The following DNAH8 variants were observed in gnomAD, a reference collection of about 807,000 sequenced individuals.
The protein encoded by DNAH8 is dynein axonemal heavy chain 8.
Under a neutral mutation model 562.1 loss-of-function variants are expected in DNAH8, and 382 were observed. The ratio of observed to expected loss-of-function variants is 0.68; its 90% confidence interval spans 0.63 to 0.74. The LOEUF (loss-of-function observed/expected upper bound fraction) is 0.74, where lower values mean the gene tolerates loss of function less well. Among genes scored for constraint, DNAH8 ranks in the 30% least tolerant of loss-of-function variants. DNAH8 has a pLI of 0.00. For synonymous variants in DNAH8, 1,881 were observed against 1,919.4 expected, an observed-to-expected ratio of 0.98 and a Z score of 0.52; for missense variants, 5,203 against 5,620.4, an observed-to-expected ratio of 0.93 and a Z score of 2.37.
At chr6:38,730,076 T>C (rs1763545444) in intron 4 of DNAH8, 90 bp downstream of exon 4, 1 of 627,722 alleles carries the variant, frequency 1.6e-6, no homozygotes, top group Non-Finnish European at 2.8e-6. Context: ...GATAATCCTT[T>C]ATTTATAAAG....
chr6:38,886,534 T>C lies in DNAH8; in HGVS notation c.8260-257T>C, dbSNP rs149226036. On this transcript the variant is annotated intron_variant, in intron 56 of 92. Transcript: ENST00000327475. ...AACCAAATATCTTATAACTCACATATCTAAATTTATTTGGAAATTAGTTTG... is the reference window on the plus strand; with the variant it reads ...AACCAAATATCTTATAACTCACATACCTAAATTTATTTGGAAATTAGTTTG... Among the ~76,000 whole-genome samples, 837 of 152,308 alleles carry C rather than the reference T, an allele frequency of 5.5e-3. 7 individuals are homozygous for C. Among genetic ancestry groups the C allele is most frequent in the Non-Finnish European group, 5.8e-3 (395 of 68,020 alleles).
intron 33 of DNAH8, among the ~76,000 whole-genome samples, chr6:38,840,771 A>G (rs543336823): frequency 5.3e-5 from 8 of 152,330 alleles, no homozygotes; most frequent in African/African-American, 1.9e-4. Flanking sequence ...TATTAAATGA[A>G]AGCAACTGTA....
At chr6:38,875,210 G>T (rs1282844303) in intron 52 of DNAH8, among the ~76,000 whole-genome samples, 1 of 152,180 alleles carries the variant, frequency 6.6e-6, no homozygotes, top group African/African-American at 2.4e-5. Context: ...ATTTTACAAA[G>T]AAATAGAATC....
chr6:38,918,813 C>T (rs970594481), intron 70 of DNAH8, among the ~76,000 whole-genome samples: 9 of 152,216 alleles, frequency 5.9e-5, no homozygotes, highest in African/African-American at 2.2e-4. Flanking sequence ...TCCAGGGCCC[C>T]ATCCCAATCT....
At chr6:38,924,571 T>A (rs1222131975) in intron 73 of DNAH8, among the ~76,000 whole-genome samples, 1 of 151,856 alleles carries the variant, frequency 6.6e-6, no homozygotes, top group Non-Finnish European at 1.5e-5. Flanking sequence ...GTTTTGAAAG[T>A]GCTTAAGAGT....
chr6:38,839,934 T>G (rs1355858409), intron 33 of DNAH8, among the ~76,000 whole-genome samples: 3 of 152,218 alleles, frequency 2.0e-5, no homozygotes, highest in Non-Finnish European at 4.4e-5. Context: ...AGTGCTGGGA[T>G]TACAGGTGTG....
At chr6:38,877,155 T>G (rs1021235486) in intron 53 of DNAH8, among the ~76,000 whole-genome samples, 1 of 152,178 alleles carries the variant, frequency 6.6e-6, no homozygotes, top group South Asian at 2.1e-4. Flanking sequence ...GAGTGCCTTG[T>G]CCTTATTCAG....
chr6:38,933,471 T>C (rs1583395165), intron 76 of DNAH8, among the ~76,000 whole-genome samples: 1 of 152,190 alleles, frequency 6.6e-6, no homozygotes, highest in South Asian at 2.1e-4. Context: ...TAACAGCACA[T>C]GGACTTTGCA....
intron 63 of DNAH8, among the ~76,000 whole-genome samples, chr6:38,907,232 G>A (rs1443393631): frequency 6.6e-6 from 1 of 152,172 alleles, no homozygotes; most frequent in Non-Finnish European, 1.5e-5. Flanking sequence ...TTTGCCAAGG[G>A]GCCATGCAGA....
At chr6:38,917,804 T>C (rs2150547215) in intron 69 of DNAH8, 121 bp from the exon 70 acceptor site, 1 of 720,252 alleles carries the variant, frequency 1.4e-6, no homozygotes, top group Non-Finnish European at 2.2e-6. Flanking sequence ...ATAGTCTCAA[T>C]TTGTGTATTT....
intron 88 of DNAH8, among the ~76,000 whole-genome samples, chr6:39,006,125 A>G (rs1765784265): frequency 6.6e-6 from 1 of 152,250 alleles, no homozygotes; most frequent in Admixed American, 6.5e-5. Context: ...ATCCTCTCCT[A>G]CATCCTATGG....
chr6:38,942,538 T>C lies in DNAH8; in HGVS notation c.12008-2929T>C, dbSNP rs570820990. ...ATTCTGCCCAGTGTCACACCCACCATGGAAGCAGGGGAATGGCTGGATGGG... is the reference window on the plus strand; with the variant it reads ...ATTCTGCCCAGTGTCACACCCACCACGGAAGCAGGGGAATGGCTGGATGGG... On this transcript the variant is annotated intron_variant, in intron 79 of 92. Transcript: ENST00000327475. 1.4e-4 allele frequency among the ~76,000 whole-genome samples: 21 copies of C among 152,228 alleles called. No individual in the cohort carries two copies. In the South Asian group the frequency reaches 4.4e-3, roughly 32 times the overall value.
intron 29 of DNAH8, 89 bp from the exon 30 acceptor site, chr6:38,828,095 G>A: frequency 1.2e-6 from 1 of 819,920 alleles, no homozygotes; most frequent in South Asian, 1.7e-5. Flanking sequence ...CTTCTTCTAA[G>A]ACATAGGAAT....
At chr6:38,872,409 CTT>C (rs1485121619) in intron 49 of DNAH8, 125 bp from the exon 50 acceptor site, 53 of 1,055,768 alleles carry the variant, frequency 5.0e-5, no homozygotes, top group Admixed American at 1.8e-4. Flanking sequence ...TTTTTTACAA[CTT>C]AAAAATAGTG....
At chr6:38,790,595 C>T (rs1223396518) in intron 20 of DNAH8, among the ~76,000 whole-genome samples, 190 bp downstream of exon 20, 4 of 152,068 alleles carry the variant, frequency 2.6e-5, no homozygotes, top group South Asian at 2.1e-4. Flanking sequence ...GAGGCCAAGG[C>T]GGATGGATCA....
In DNAH8 at chr6:38,828,181, C is replaced by T. The variant is rs745849978; in HGVS notation, c.4084-3C>T. 2.5e-6 allele frequency: 4 copies of T among 1,576,160 alleles called. No individual in the cohort carries two copies. The South Asian group carries it at 4.8e-5, about 19-fold the overall frequency. On this transcript the variant is annotated splice_polypyrimidine_tract_variant and splice_region_variant and intron_variant, in intron 29 of 92. Transcript: ENST00000327475. ...ATTTCTAAACTCCACCTTCATCCTG[C>T]AGGAAGCCTATGCTATTTTAAACAG...
At chr6:38,755,930 A>G in intron 9 of DNAH8, 42 bp from the exon 10 acceptor site, 1 of 1,049,662 alleles carries the variant, frequency 9.5e-7, no homozygotes, top group South Asian at 1.3e-5. Context: ...TATTAAAACT[A>G]TATGCATATG....
At position 38,921,351 on chromosome 6, in the gene DNAH8, A is replaced by G. The variant is rs772162490; in HGVS notation, c.10525-18A>G. ...GTTTCATGCAGCTAATACACTAACCACGTCTTCTTCTTTTCAGGCCAACCT... is the reference window on the plus strand; with the variant it reads ...GTTTCATGCAGCTAATACACTAACCGCGTCTTCTTCTTTTCAGGCCAACCT... On this transcript the variant is annotated intron_variant, in intron 70 of 92. Coordinates refer to ENST00000327475, the MANE Select transcript of DNAH8 (RefSeq NM_001206927.2). The G allele has an allele frequency of 6.2e-7, 1 of 1,610,380 alleles. No homozygotes were observed. Among genetic ancestry groups the G allele is most frequent in the South Asian group, 1.1e-5 (1 of 90,244 alleles).
chr6:38,782,958 A>G (rs1460550110), intron 16 of DNAH8, 46 bp from the exon 17 acceptor site: 3 of 1,536,942 alleles, frequency 2.0e-6, no homozygotes, highest in Non-Finnish European at 2.7e-6. Flanking sequence ...GGATATAAAA[A>G]CATTCAGCAG....
Sources: allele counts gnomAD v4.1 joint callset (sites outside exome capture counted in the v4.1 genomes callset), GRCh38; gene constraint gnomAD v4.1.1; transcripts MANE v1.5; gene names NCBI Gene and HGNC (gene_info 2026-07-23, HGNC 2026-07-21).